The following CTNNA3 variants were observed in gnomAD, a reference collection of about 807,000 sequenced individuals.
CTNNA3 encodes catenin alpha 3, also known as catenin alpha-3.
CTNNA3 carries 76 observed loss-of-function variants against 95.7 expected under a neutral mutation model. The ratio of observed to expected loss-of-function variants is 0.79; its 90% CI spans 0.66 to 0.96. The LOEUF (loss-of-function observed/expected upper bound fraction) is 0.96. Among genes scored for constraint, CTNNA3 ranks in the 40% least tolerant of loss-of-function variants. The pLI, the probability that CTNNA3 is intolerant of heterozygous loss-of-function variation, is 0.00. For synonymous variants in CTNNA3, 431 were observed against 374.4 expected (o/e 1.15, Z -1.74); for missense variants, 1,191 against 1,089.8 (o/e 1.09, Z -1.31).
intron 9 of CTNNA3, among the ~76,000 whole-genome samples, chr10:66,720,561 A>C (rs529266414): frequency 6.6e-6 from 1 of 152,204 alleles, no homozygotes; most frequent in Non-Finnish European, 1.5e-5. Flanking sequence ...GGCCAGGCAC[A>C]GTGGCTCACG....
At chr10:67,401,808 T>C (rs2132809426) in intron 5 of CTNNA3, among the ~76,000 whole-genome samples, 1 of 152,266 alleles carries the variant, frequency 6.6e-6, no homozygotes, top group Admixed American at 6.5e-5. Flanking sequence ...ATCTACTAGA[T>C]TGTAGCCCAA....
intron 5 of CTNNA3, among the ~76,000 whole-genome samples, chr10:67,348,830 T>C (rs1842531307): frequency 6.6e-6 from 1 of 152,074 alleles, no homozygotes; most frequent in African/African-American, 2.4e-5. Context: ...ATATATCTGA[T>C]AAGGAGATAA....
intron 12 of CTNNA3, among the ~76,000 whole-genome samples, chr10:66,328,333 A>C (rs551041156): frequency 6.6e-6 from 1 of 152,150 alleles, no homozygotes; most frequent in African/African-American, 2.4e-5. Flanking sequence ...TGAGATTCAA[A>C]CCTAGGGATA....
At chr10:67,653,352 C>A (rs184742848) in intron 1 of CTNNA3, among the ~76,000 whole-genome samples, 4 of 152,324 alleles carry the variant, frequency 2.6e-5, no homozygotes. Context: ...AATCACAATT[C>A]TACATGAAAC....
chr10:66,511,725 T>G (rs1840668724), intron 11 of CTNNA3, among the ~76,000 whole-genome samples: 1 of 151,946 alleles, frequency 6.6e-6, no homozygotes. Flanking sequence ...AACCTGAGAA[T>G]ACATGGTATA....
chr10:67,231,235 C>G (rs1865191896), intron 5 of CTNNA3, among the ~76,000 whole-genome samples: 1 of 152,264 alleles, frequency 6.6e-6, no homozygotes, highest in South Asian at 2.1e-4. Flanking sequence ...CACAGACAAA[C>G]AGAAAGACAG....
At chr10:66,907,134 C>G (rs1282999477) in intron 7 of CTNNA3, among the ~76,000 whole-genome samples, 1 of 152,146 alleles carries the variant, frequency 6.6e-6, no homozygotes, top group Non-Finnish European at 1.5e-5. Flanking sequence ...TTCTGTCCCT[C>G]AATAACATTT....
At chr10:66,846,019 C>T (rs1296864270) in intron 7 of CTNNA3, among the ~76,000 whole-genome samples, 1 of 151,838 alleles carries the variant, frequency 6.6e-6, no homozygotes, top group African/African-American at 2.4e-5. Flanking sequence ...ATAGTCCCAG[C>T]TACTCGGGAG....
At chr10:66,844,586 G>A (rs1314675090) in intron 7 of CTNNA3, among the ~76,000 whole-genome samples, 1 of 152,184 alleles carries the variant, frequency 6.6e-6, no homozygotes, top group Non-Finnish European at 1.5e-5. Context: ...TCAGTGATTA[G>A]CTAGTCCTTT....
intron 5 of CTNNA3, among the ~76,000 whole-genome samples, chr10:67,353,777 G>GA (rs1842718388): frequency 6.6e-6 from 1 of 151,946 alleles, no homozygotes; most frequent in Admixed American, 6.6e-5. Context: ...ATAAGTAGAT[G>GA]AATGTGTGAG....
intron 12 of CTNNA3, among the ~76,000 whole-genome samples, chr10:66,365,871 T>G (rs1182049592): frequency 6.6e-6 from 1 of 152,060 alleles, no homozygotes; most frequent in Non-Finnish European, 1.5e-5. Flanking sequence ...TGAAGCCTCC[T>G]GCCAACAAAA....
intron 7 of CTNNA3, among the ~76,000 whole-genome samples, chr10:67,110,566 T>C (rs1174617063): frequency 6.6e-6 from 1 of 152,106 alleles, no homozygotes; most frequent in African/African-American, 2.4e-5. Context: ...AATTCCAGGT[T>C]CATAAGGTAT....
chr10:67,097,955 A>G (rs1489878384), intron 7 of CTNNA3: 1 of 652,260 alleles, frequency 1.5e-6, no homozygotes, highest in Non-Finnish European at 2.6e-6. Context: ...AATAAAGAAG[A>G]CATGAATTGT....
intron 7 of CTNNA3, among the ~76,000 whole-genome samples, chr10:66,917,124 C>T (rs193152378): frequency 4.5e-4 from 69 of 152,314 alleles, no homozygotes; most frequent in African/African-American, 1.6e-3. Flanking sequence ...CAGTGGAAGG[C>T]ACTTTGTCTT....
At chr10:67,365,670 G>A (rs1308230366) in intron 5 of CTNNA3, among the ~76,000 whole-genome samples, 47 of 152,042 alleles carry the variant, frequency 3.1e-4, no homozygotes, top group Non-Finnish European at 4.3e-4. Context: ...TCAAAACTAT[G>A]ATGAGATACC....
In CTNNA3 at chr10:66,685,321, G is replaced by GTATATATATATATA. The variant is rs1564617397; in HGVS notation, c.1282-63538_1282-63537insTATATATATATATA. Among the ~76,000 whole-genome samples the GTATATATATATATA allele has an allele frequency of 2.4e-3, 52 of 21,964 alleles. 3 individuals carry two copies. The highest frequency in any genetic ancestry group is 3.4e-3 in the South Asian group (2 of 588). The allele number at this position is 21,964 out of a possible 152,430, so 14.4% of individuals were successfully genotyped here. A position where few individuals can be genotyped will look rare whatever the true frequency, so the allele number is the denominator to read the frequency against. Reference sequence around the variant, plus strand: ...TGTGTATATATATGTGTGTGTGTATGTGTGTATATATATATATATATATAT... The same window carrying GTATATATATATATA: ...TGTGTATATATATGTGTGTGTGTATGTATATATATATATATGTGTATATATATATATATATATAT... On this transcript the variant is annotated intron_variant, in intron 9 of 17. Coordinates refer to ENST00000433211, the MANE Select transcript of CTNNA3 (RefSeq NM_013266.4).
At chr10:66,146,497 T>C (rs1205691405) in intron 13 of CTNNA3, among the ~76,000 whole-genome samples, 2 of 152,082 alleles carry the variant, frequency 1.3e-5, no homozygotes, top group African/African-American at 4.8e-5. Context: ...ATAAAGACAA[T>C]TACAGACAAT....
intron 13 of CTNNA3, among the ~76,000 whole-genome samples, chr10:66,105,148 G>A (rs1472037230): frequency 6.6e-6 from 1 of 152,072 alleles, no homozygotes; most frequent in Non-Finnish European, 1.5e-5. Flanking sequence ...TTTTATCTCC[G>A]TGTTGATCTC....
At chr10:66,387,853 C>T (rs929574385) in intron 11 of CTNNA3, among the ~76,000 whole-genome samples, 2 of 152,074 alleles carry the variant, frequency 1.3e-5, no homozygotes, top group Non-Finnish European at 1.5e-5. Flanking sequence ...GGACAGAAAA[C>T]CAAACACCGC....
Sources: gnomAD v4.1 joint callset for allele counts (sites outside exome capture counted in the v4.1 genomes callset) on GRCh38, gnomAD v4.1.1 for gene constraint, MANE v1.5 for transcripts, NCBI Gene and HGNC (gene_info 2026-07-23, HGNC 2026-07-21) for gene names.